POU6F2: variants seen among roughly 807,000 people sequenced by gnomAD.
POU6F2 encodes the protein POU domain, class 6, transcription factor 2.
A neutral mutation model predicts 71.3 loss-of-function variants in POU6F2; 31 were observed. The ratio of observed to expected loss-of-function variants is 0.43; its 90% CI spans 0.33 to 0.59. POU6F2 has a LOEUF of 0.59. Ranked by LOEUF, POU6F2 falls within the 20% of genes least tolerant of loss-of-function variation. The probability of loss-of-function intolerance (pLI) is 0.04; values close to 1 mark genes in which losing one functional copy is unlikely to be tolerated. For synonymous variants in POU6F2, 347 were observed against 355.7 expected (o/e 0.98, Z 0.27); for missense variants, 783 against 856.8 (o/e 0.91, Z 1.07).
intron 4 of POU6F2, among the ~76,000 whole-genome samples, chr7:39,281,554 T>G (rs139845003): frequency 7.4e-4 from 112 of 152,320 alleles, no homozygotes; most frequent in African/African-American, 2.6e-3. Flanking sequence ...ACATGCTGTA[T>G]TTGTTTTTCT....
intron 2 of POU6F2, among the ~76,000 whole-genome samples, chr7:39,162,870 T>C (rs1380080293): frequency 6.6e-6 from 1 of 152,208 alleles, no homozygotes; most frequent in African/African-American, 2.4e-5. Context: ...AATGCTGTTA[T>C]AGAGCCTGGG....
chr7:39,394,758 G>T (rs1787139422), intron 5 of POU6F2, among the ~76,000 whole-genome samples: 1 of 152,086 alleles, frequency 6.6e-6, no homozygotes, highest in African/African-American at 2.4e-5. Flanking sequence ...CAGTTCTTTT[G>T]TGAAGCATCC....
chr7:39,251,487 A>G (rs576895539), intron 4 of POU6F2, among the ~76,000 whole-genome samples: 4 of 152,288 alleles, frequency 2.6e-5, no homozygotes, highest in South Asian at 4.1e-4. Flanking sequence ...TTTGTTCTTT[A>G]TAGGAAACTA....
chr7:39,178,613 T>C (rs1207949869), intron 2 of POU6F2, among the ~76,000 whole-genome samples: 1 of 152,216 alleles, frequency 6.6e-6, no homozygotes, highest in Non-Finnish European at 1.5e-5. Context: ...CTACAAACCT[T>C]GTGATCTTCA....
chr7:39,227,191 T>A (rs748830152), intron 4 of POU6F2, among the ~76,000 whole-genome samples: 46 of 152,236 alleles, frequency 3.0e-4, no homozygotes, highest in Non-Finnish European at 6.0e-4. Context: ...AATTGTTACT[T>A]GTACTATATT....
chr7:39,191,020 G>C (rs147479405), intron 2 of POU6F2, among the ~76,000 whole-genome samples: 131 of 152,238 alleles, frequency 8.6e-4, no homozygotes, highest in African/African-American at 3.0e-3. Context: ...AGGATCTTTA[G>C]AAATTGTACG....
intron 4 of POU6F2, among the ~76,000 whole-genome samples, chr7:39,232,806 T>C (rs1444869318): frequency 1.3e-5 from 2 of 152,212 alleles, no homozygotes; most frequent in Admixed American, 1.3e-4. Flanking sequence ...CTAATGCACA[T>C]GCTAAAGGCA....
intron 1 of POU6F2, among the ~76,000 whole-genome samples, chr7:38,979,918 T>C (rs1788275342): frequency 6.6e-6 from 1 of 152,150 alleles, no homozygotes; most frequent in South Asian, 2.1e-4. Context: ...GTATTGTTTA[T>C]TGGAAATCAA....
chr7:39,026,062 G>A (rs904414149), intron 1 of POU6F2, among the ~76,000 whole-genome samples: 4 of 152,256 alleles, frequency 2.6e-5, no homozygotes, highest in Admixed American at 6.5e-5. Context: ...ACCATCTCAT[G>A]CCAGTTAGAA....
chr7:39,037,454 A>T (rs990682326), intron 1 of POU6F2, among the ~76,000 whole-genome samples: 1 of 151,968 alleles, frequency 6.6e-6, no homozygotes, highest in South Asian at 2.1e-4. Context: ...TTTTTTCAAC[A>T]TCTTAGACCC....
intron 5 of POU6F2, among the ~76,000 whole-genome samples, chr7:39,391,840 TC>T (rs1787081444): frequency 6.6e-6 from 1 of 152,100 alleles, no homozygotes; most frequent in African/African-American, 2.4e-5. Flanking sequence ...TTATTTAAAA[TC>T]TATTATAGAT....
At chr7:39,323,206 A>G (rs943520453) in intron 4 of POU6F2, among the ~76,000 whole-genome samples, 5 of 152,220 alleles carry the variant, frequency 3.3e-5, no homozygotes, top group South Asian at 2.1e-4. Flanking sequence ...TTGTGGTGCA[A>G]TGCACAACAG....
At chr7:39,273,987 C>CT (rs1295869673) in intron 4 of POU6F2, among the ~76,000 whole-genome samples, 2 of 152,096 alleles carry the variant, frequency 1.3e-5, no homozygotes, top group African/African-American at 2.4e-5. Flanking sequence ...GGCAACTTTG[C>CT]TTATTTTTAA....
At chr7:39,037,175 A>G (rs1307467020) in intron 1 of POU6F2, among the ~76,000 whole-genome samples, 1 of 152,038 alleles carries the variant, frequency 6.6e-6, no homozygotes, top group Non-Finnish European at 1.5e-5. Context: ...TTTCCCTCAG[A>G]TGAGGATACT....
intron 5 of POU6F2, among the ~76,000 whole-genome samples, chr7:39,365,735 TAAG>T (rs1426995177): frequency 6.6e-6 from 1 of 152,108 alleles, no homozygotes; most frequent in African/African-American, 2.4e-5. Context: ...CTCAATGGAA[TAAG>T]AAGCCAGGTC....
intron 5 of POU6F2, among the ~76,000 whole-genome samples, chr7:39,393,159 GAA>G (rs1450629703): frequency 4.9e-4 from 74 of 152,246 alleles, no homozygotes; most frequent in Middle Eastern, 3.4e-3. Flanking sequence ...AATGTGTTTA[GAA>G]CAAACTATAA....
chr7:39,350,232 T>C (rs1786114880), intron 5 of POU6F2, among the ~76,000 whole-genome samples: 1 of 152,058 alleles, frequency 6.6e-6, no homozygotes, highest in Non-Finnish European at 1.5e-5. Context: ...GGACTCCATA[T>C]CCTGCCAGAG....
At chr7:39,159,800 T>C (rs1041850063) in intron 2 of POU6F2, among the ~76,000 whole-genome samples, 1 of 151,414 alleles carries the variant, frequency 6.6e-6, no homozygotes, top group Non-Finnish European at 1.5e-5. Flanking sequence ...AATTTGTCAA[T>C]GAAACAGAAG....
At chr7:39,009,749 T>C (rs1003936354) in intron 1 of POU6F2, among the ~76,000 whole-genome samples, 2 of 151,806 alleles carry the variant, frequency 1.3e-5, no homozygotes, top group African/African-American at 4.8e-5. Context: ...TTGAATTTTG[T>C]CAAAGGCTTT....
Sources: allele counts gnomAD v4.1 joint callset (sites outside exome capture counted in the v4.1 genomes callset), GRCh38; gene constraint gnomAD v4.1.1; transcripts MANE v1.5; gene names NCBI Gene and HGNC (gene_info 2026-07-23, HGNC 2026-07-21).